MICU2: variants seen among roughly 807,000 people sequenced by gnomAD.
MICU2 encodes the protein mitochondrial calcium uptake 2, also known as calcium uptake protein 2, mitochondrial.
A neutral mutation model predicts 60.4 loss-of-function variants in MICU2; 64 were observed. The observed-to-expected ratio is 1.06, with a 90% CI of 0.87 to 1.31. MICU2 has a LOEUF of 1.31. Among genes scored for constraint, MICU2 ranks in the 50% most tolerant of loss-of-function variants. The pLI, the probability that MICU2 is intolerant of heterozygous loss-of-function variation, is 0.00. For missense variants in MICU2, 569 were observed against 531.0 expected (o/e 1.07, Z -0.70); for synonymous variants, 201 against 175.0 (o/e 1.15, Z -1.17).
At chr13:21,517,883 A>G (rs915260029) in intron 6 of MICU2, among the ~76,000 whole-genome samples, 1 of 152,126 alleles carries the variant, frequency 6.6e-6, no homozygotes, top group Non-Finnish European at 1.5e-5. Context: ...CAAATAATTA[A>G]TGTAAATGTA....
chr13:21,558,240 C>G (rs1008408023), intron 2 of MICU2, among the ~76,000 whole-genome samples: 1 of 152,120 alleles, frequency 6.6e-6, no homozygotes, highest in Admixed American at 6.5e-5. Context: ...TTTGGGTATG[C>G]CTTCAGTCAC....
At chr13:21,601,941 T>C (rs561072869) in intron 1 of MICU2, among the ~76,000 whole-genome samples, 10 of 150,678 alleles carry the variant, frequency 6.6e-5, no homozygotes, top group East Asian at 4.0e-4. Context: ...CCGGCTCTAC[T>C]AACAATACAA....
rs183197003 is a variant in MICU2, at chr13:21,501,192, T to G, written c.933+1734A>C. Reference sequence around the variant, plus strand: ...TATTTCTGGAGTCTGTCAAATTCATTGTCAGTAACAAACTGTTTTAGTTAC... The same window carrying G: ...TATTTCTGGAGTCTGTCAAATTCATGGTCAGTAACAAACTGTTTTAGTTAC... On this transcript the variant is annotated intron_variant, in intron 9 of 11. Transcript: ENST00000382374. 2.8e-4 allele frequency among the ~76,000 whole-genome samples: 42 copies of G among 152,316 alleles called. 1 individual carries two copies. In the East Asian group the frequency reaches 8.1e-3, roughly 29 times the overall value.
chr13:21,525,172 T>C (rs1000258202), intron 4 of MICU2, among the ~76,000 whole-genome samples: 12 of 149,542 alleles, frequency 8.0e-5, no homozygotes, highest in Admixed American at 1.3e-4. Context: ...AGTAATGCTG[T>C]GTAATTCAAT....
chr13:21,569,842 C>G (rs953206604), intron 1 of MICU2, among the ~76,000 whole-genome samples: 1 of 150,438 alleles, frequency 6.6e-6, no homozygotes, highest in Non-Finnish European at 1.5e-5. Context: ...AAAACACTTA[C>G]GGCTTGTGAA....
At chr13:21,588,660 G>A (rs889387413) in intron 1 of MICU2, among the ~76,000 whole-genome samples, 12 of 152,176 alleles carry the variant, frequency 7.9e-5, no homozygotes, top group African/African-American at 2.7e-4. Flanking sequence ...GTATTGTGGT[G>A]GACCTTTACT....
intron 1 of MICU2, among the ~76,000 whole-genome samples, chr13:21,586,709 C>G (rs117961984): frequency 6.6e-6 from 1 of 152,108 alleles, no homozygotes; most frequent in Non-Finnish European, 1.5e-5. Context: ...ACACACCTGG[C>G]GTGTTACAGC....
At chr13:21,542,407 G>C (rs1227535937) in intron 2 of MICU2, among the ~76,000 whole-genome samples, 1 of 151,924 alleles carries the variant, frequency 6.6e-6, no homozygotes, top group African/African-American at 2.4e-5. Flanking sequence ...TTTTCCTTCT[G>C]TTTTTGTTTG....
chr13:21,583,849 GT>G (rs1888401496), intron 1 of MICU2, among the ~76,000 whole-genome samples: 2 of 152,120 alleles, frequency 1.3e-5, no homozygotes, highest in South Asian at 4.1e-4. Flanking sequence ...AACTGAAAAA[GT>G]TTTTGTCCTT....
At chr13:21,571,394 AT>A (rs1343390998) in intron 1 of MICU2, among the ~76,000 whole-genome samples, 5 of 152,186 alleles carry the variant, frequency 3.3e-5, no homozygotes, top group African/African-American at 1.2e-4. Flanking sequence ...AGAAATTAAA[AT>A]TTTAAAAAAA....
chr13:21,541,323 G>T (rs1029862367), intron 2 of MICU2, among the ~76,000 whole-genome samples: 2 of 152,160 alleles, frequency 1.3e-5, no homozygotes, highest in South Asian at 2.1e-4. Context: ...CCAGCTAGAA[G>T]TCTGGCTGCC....
At position 21,502,982 on chromosome 13, in the gene MICU2, T is replaced by C; in HGVS notation, c.877A>G (p.Thr293Ala). The change falls in exon 9 of 12, where the codon ACT becomes GCT. Residue 293 changes from threonine (T) to alanine (A), a missense_variant. Coordinates refer to ENST00000382374, the MANE Select transcript of MICU2 (RefSeq NM_152726.3). ...TTCCAATAAATATCTTTATTTTCAGTGTTAGTGAAAAAAAGTAGCCACTCT... is the reference window on the plus strand; with the variant it reads ...TTCCAATAAATATCTTTATTTTCAGCGTTAGTGAAAAAAAGTAGCCACTCT... Reference protein sequence around the residue: ...FAEWLLFFTNTENKDIYWKNV... With the variant: ...FAEWLLFFTNAENKDIYWKNV... 1.2e-6 allele frequency: 2 copies of C among 1,612,310 alleles called. No individual in the cohort carries two copies. Among genetic ancestry groups the C allele is most frequent in the Non-Finnish European group, 1.7e-6 (2 of 1,179,616 alleles).
At chr13:21,577,239 C>A (rs1341191238) in intron 1 of MICU2, among the ~76,000 whole-genome samples, 2 of 152,214 alleles carry the variant, frequency 1.3e-5, no homozygotes, top group Non-Finnish European at 2.9e-5. Flanking sequence ...CTTACATTAA[C>A]TTGAGTAAAC....
intron 4 of MICU2, among the ~76,000 whole-genome samples, chr13:21,533,995 C>T (rs7322862): frequency 0.4 from 61,141 of 150,978 alleles, 13,147 homozygotes; most frequent in East Asian, 0.67. Flanking sequence ...GGCTGAGGCA[C>T]GAAAATCACT....
Position 21,495,272 on chromosome 13 carries a change from TGA to T in MICU2, c.1087_1088del (p.Ser363LysfsTer9), listed in dbSNP as rs1178323337. ...AVKVATGQEL[S>X]NNILDTVFKI... ...TAAAGACAGTGTCCAAAATATTGTT[TGA>T]GAGTTCTTGTCCTGTTGCTACTTTC... On this transcript the variant is annotated frameshift_variant, in exon 11 of 12. Transcript: ENST00000382374. LOFTEE classifies it high-confidence loss of function. 1.2e-6 allele frequency: 2 copies of T among 1,612,658 alleles called. No individual in the cohort carries two copies. Among genetic ancestry groups the T allele is most frequent in the East Asian group, 2.2e-5 (1 of 44,808 alleles).
In MICU2 at chr13:21,502,941, C is replaced by A. The variant is rs1439727115; in HGVS notation, c.918G>T (p.Lys306Asn). Residue 306 changes from lysine to asparagine, a missense_variant, in exon 9 of 12, where the codon AAG becomes AAT. Lys to Asn is a moderately conservative substitution (Grantham distance 94). Transcript: ENST00000382374. ...KDIYWKNVRE[K>N]LSAGESISLD... Reference sequence around the variant, plus strand: ...GTATACCAACCTCTCCTGCTGACAACTTCTCTCTCACATTTTTCCAATAAA... The same window carrying A: ...GTATACCAACCTCTCCTGCTGACAAATTCTCTCTCACATTTTTCCAATAAA... 1 of 1,610,780 alleles carries A rather than the reference C, an allele frequency of 6.2e-7. No homozygotes were observed. The highest frequency in any genetic ancestry group is 8.5e-7 in the Non-Finnish European group (1 of 1,179,370).
intron 1 of MICU2, among the ~76,000 whole-genome samples, chr13:21,575,419 A>AT (rs754798823): frequency 2.9e-4 from 38 of 130,706 alleles, no homozygotes; most frequent in Non-Finnish European, 4.9e-4. Context: ...GTTTCGAATG[A>AT]TTAAAAAAAA....
chr13:21,583,304 T>C (rs1888390974), intron 1 of MICU2, among the ~76,000 whole-genome samples: 1 of 152,178 alleles, frequency 6.6e-6, no homozygotes, highest in Non-Finnish European at 1.5e-5. Context: ...ATAAACATGC[T>C]TCAATCACTG....
chr13:21,526,800 G>GC (rs1395833078), intron 4 of MICU2, among the ~76,000 whole-genome samples: 3 of 109,702 alleles, frequency 2.7e-5, no homozygotes, highest in Middle Eastern at 4.5e-3. Context: ...TCATGTGGAA[G>GC]CAGCAATGGG....
Sources: allele counts gnomAD v4.1 joint callset (sites outside exome capture counted in the v4.1 genomes callset), GRCh38; gene constraint gnomAD v4.1.1; transcripts MANE v1.5; gene names NCBI Gene and HGNC (gene_info 2026-07-23, HGNC 2026-07-21).